The following LRRC37B variants were observed in gnomAD, a reference collection of about 807,000 sequenced individuals.
The protein encoded by LRRC37B is leucine rich repeat containing 37B.
LRRC37B carries 28 observed loss-of-function variants against 98.3 expected under a neutral mutation model. That is an observed-to-expected ratio of 0.28 (90% confidence interval 0.21 to 0.39). The LOEUF is 0.39. LRRC37B is among the 10% of genes least tolerant of loss of function. The probability of loss-of-function intolerance (pLI) is 1.00; values close to 1 mark genes in which losing one functional copy is unlikely to be tolerated. For missense variants in LRRC37B, 938 were observed against 1,182.7 expected (o/e 0.79, Z 3.03); for synonymous variants, 364 against 442.7 (o/e 0.82, Z 2.23).
At chr17:32,029,456 A>T (rs1185031536) in intron 3 of LRRC37B, among the ~76,000 whole-genome samples, 1 of 152,004 alleles carries the variant, frequency 6.6e-6, no homozygotes, top group East Asian at 1.9e-4. Flanking sequence ...AAGAAGAAGA[A>T]ATGGATGTGG....
At chr17:32,028,107 A>C (rs1332601656) in intron 3 of LRRC37B, among the ~76,000 whole-genome samples, 3 of 85,278 alleles carry the variant, frequency 3.5e-5, no homozygotes, top group Non-Finnish European at 4.9e-5. Flanking sequence ...ACCTTGTTTT[A>C]TAAGGGTTTA....
chr17:32,030,551 G>A (rs551485084), intron 3 of LRRC37B, 105 bp from the exon 7 acceptor site: 6 of 980,730 alleles, frequency 6.1e-6, no homozygotes, highest in African/African-American at 4.9e-5. Context: ...GTTTAGAGTC[G>A]AGATGAAAAA....
upstream of LRRC37B, among the ~76,000 whole-genome samples, chr17:32,019,864 T>C (rs1910723267): frequency 6.6e-6 from 1 of 152,170 alleles, no homozygotes; most frequent in African/African-American, 2.4e-5. Context: ...TTATTTTATT[T>C]TTTTGAGACG....
upstream of LRRC37B, among the ~76,000 whole-genome samples, chr17:32,019,123 C>T (rs745908496): frequency 1.1e-4 from 16 of 152,190 alleles, no homozygotes; most frequent in Non-Finnish European, 1.6e-4. Context: ...GACTGTTTTT[C>T]GCCATGTTGG....
chr17:32,022,693 C>T (rs1313037669), exon 1 of LRRC37B: 1 of 1,614,052 alleles, frequency 6.2e-7, no homozygotes, highest in Admixed American at 1.7e-5. Context: ...AAGGCCTCCA[C>T]AAGCACCAAC....
upstream of LRRC37B, chr17:32,020,765 C>T: frequency 2.0e-6 from 1 of 505,268 alleles, no homozygotes; most frequent in Non-Finnish European, 3.1e-6. Context: ...ATTCAGGCTG[C>T]CAGAACTGGA....
At chr17:32,027,266 A>G (rs1264565802) in intron 2 of LRRC37B, among the ~76,000 whole-genome samples, 2 of 152,146 alleles carry the variant, frequency 1.3e-5, no homozygotes, top group Non-Finnish European at 2.9e-5. Flanking sequence ...ATTATGATCT[A>G]GAGAGGAGTC....
chr17:32,021,521 G>A (rs1317494802), exon 1 of LRRC37B: 1 of 1,613,942 alleles, frequency 6.2e-7, no homozygotes, highest in East Asian at 2.2e-5. Flanking sequence ...ATGACAAGCG[G>A]ACTCCAGAAG....
chr17:32,042,351 C>A lies in LRRC37B; in HGVS notation c.2205-3349C>A, dbSNP rs56029844. 1,108 of 171,402 alleles carry A rather than the reference C, an allele frequency of 6.5e-3. 10 individuals carry two copies. Among genetic ancestry groups the A allele is most frequent in the African/African-American group, 0.025 (1,047 of 41,860 alleles). The allele number at this position is 171,402 out of a possible 1,614,324, so 10.6% of individuals were successfully genotyped here. On this transcript the variant is annotated intron_variant, in intron 7 of 11. Transcript: ENST00000327564. ...CTGCCACCACCAGCCACCTACACAC[C>A]CCCCCAGCACACCTCGCACGGGACC... is the stretch of plus-strand genomic sequence containing the variant.
At chr17:32,027,703 A>T in intron 2 of LRRC37B, 66 bp from the exon 6 acceptor site, 2 of 1,341,140 alleles carry the variant, frequency 1.5e-6, no homozygotes, top group Non-Finnish European at 2.1e-6. Context: ...CATGCAGGAG[A>T]TAGTCCTGTG....
chr17:32,019,385 A>G (rs1910714443), upstream of LRRC37B, among the ~76,000 whole-genome samples: 1 of 152,214 alleles, frequency 6.6e-6, no homozygotes, highest in South Asian at 2.1e-4. Flanking sequence ...GGTATGCTGT[A>G]GGCTACACCA....
chr17:32,043,482 G>T (rs192763669), intron 7 of LRRC37B, among the ~76,000 whole-genome samples: 223 of 152,302 alleles, frequency 1.5e-3, no homozygotes, highest in African/African-American at 5.0e-3. Context: ...GATCACTTGA[G>T]CCCAGGAGAC....
Position 32,025,310 on chromosome 17 carries a change from A to G in LRRC37B, c.1832+528A>G, listed in dbSNP as rs200218917. Among the ~76,000 whole-genome samples, 57 of 151,610 alleles carry G rather than the reference A, an allele frequency of 3.8e-4. No individual in the cohort carries two copies. The East Asian group carries it at 9.5e-3, about 25-fold the overall frequency. On this transcript the variant is annotated intron_variant, in intron 2 of 11. Coordinates refer to ENST00000327564, the Ensembl canonical transcript of LRRC37B. ...CTTGGCCTCCTAAAGTGCTCATATTATAGGCATGAGCCACCACCCCCAGCC... is the reference window on the plus strand; with the variant it reads ...CTTGGCCTCCTAAAGTGCTCATATTGTAGGCATGAGCCACCACCCCCAGCC...
chr17:32,026,204 C>T (rs1217274081), intron 2 of LRRC37B, among the ~76,000 whole-genome samples: 2 of 152,190 alleles, frequency 1.3e-5, no homozygotes, highest in Non-Finnish European at 2.9e-5. Context: ...ACAAGACATA[C>T]ATGAGTTCTA....
intron 1 of LRRC37B, among the ~76,000 whole-genome samples, chr17:32,015,506 T>C (rs1910629798): frequency 6.6e-6 from 1 of 152,154 alleles, no homozygotes; most frequent in African/African-American, 2.4e-5. Flanking sequence ...CAGATACCAA[T>C]TAGAAACAAG....
chr17:32,021,705 G>T, exon 1 of LRRC37B: 1 of 1,614,184 alleles, frequency 6.2e-7, no homozygotes, highest in Non-Finnish European at 8.5e-7. Context: ...CAAATTTGTT[G>T]TTTCGCCCAA....
At chr17:32,046,785 G>T (rs181378787) in intron 8 of LRRC37B, among the ~76,000 whole-genome samples, 2 of 151,714 alleles carry the variant, frequency 1.3e-5, no homozygotes, top group Non-Finnish European at 2.9e-5. Context: ...CTCCTTTCTC[G>T]CAATCTTTAC....
In LRRC37B at chr17:32,043,626, T is replaced by G. The variant is rs1033145469; in HGVS notation, c.2205-2074T>G. 7.2e-5 allele frequency among the ~76,000 whole-genome samples: 11 copies of G among 152,180 alleles called. 1 individual carries two copies. Among genetic ancestry groups the G allele is most frequent in the Admixed American group, 3.3e-4 (5 of 15,276 alleles). On this transcript the variant is annotated intron_variant, in intron 7 of 11. Coordinates refer to ENST00000327564, the Ensembl canonical transcript of LRRC37B. The stretch of plus-strand genomic sequence containing the variant: ...TATAAGTAAAATGCTAGGTTATGGT[T>G]CTGGGTACATTCAATCTATATGAAG...
intron 7 of LRRC37B, among the ~76,000 whole-genome samples, chr17:32,037,903 C>A (rs903124553): frequency 2.6e-5 from 4 of 151,844 alleles, no homozygotes; most frequent in Non-Finnish European, 5.9e-5. Flanking sequence ...GTCAGGAGAT[C>A]AAGACCATCC....
Sources: gnomAD v4.1 joint callset for allele counts (sites outside exome capture counted in the v4.1 genomes callset) on GRCh38, gnomAD v4.1.1 for gene constraint, MANE v1.5 for transcripts, NCBI Gene and HGNC (gene_info 2026-07-23, HGNC 2026-07-21) for gene names.